Variants in CDH17 observed in about 807,000 individuals in gnomAD.
The protein encoded by CDH17 is cadherin 17.
A neutral mutation model predicts 86.3 loss-of-function variants in CDH17; 67 were observed. The observed-to-expected ratio is 0.78, with a 90% CI of 0.64 to 0.95. CDH17 has a LOEUF of 0.95. Among genes scored for constraint, CDH17 ranks in the 40% least tolerant of loss-of-function variants. The pLI, the probability that CDH17 is intolerant of heterozygous loss-of-function variation, is 0.00. For synonymous variants in CDH17, 367 were observed against 366.4 expected (o/e 1.00, Z -0.02); for missense variants, 993 against 1,017.6 (o/e 0.98, Z 0.33).
chr8:94,204,022 G>A (rs190780674), intron 1 of CDH17, among the ~76,000 whole-genome samples: 33 of 152,268 alleles, frequency 2.2e-4, no homozygotes, highest in African/African-American at 7.2e-4. Flanking sequence ...ATGGGCTCAC[G>A]GGAGGCTAAA....
At chr8:94,189,164 C>G (rs1478055434) in intron 3 of CDH17, 23 bp downstream of exon 3, 1 of 1,514,986 alleles carries the variant, frequency 6.6e-7, no homozygotes, top group African/African-American at 1.4e-5. Context: ...ATCAAGAGGA[C>G]AGTGATCAAG....
chr8:94,199,058 TATATATATATATATATATATATA>T (rs1813844331), intron 1 of CDH17, among the ~76,000 whole-genome samples: 2 of 23,824 alleles, frequency 8.4e-5, no homozygotes, highest in African/African-American at 3.7e-4. Flanking sequence ...TATATATATA[TATATATATATATATATATATATA>T]TATTTTTTTT....
At chr8:94,214,354 G>C (rs1269897142) in intron 1 of CDH17, among the ~76,000 whole-genome samples, 1 of 152,198 alleles carries the variant, frequency 6.6e-6, no homozygotes, top group African/African-American at 2.4e-5. Flanking sequence ...TCTCTCATTA[G>C]ACACCAAAAC....
At chr8:94,135,179 T>C (rs746587529) in intron 15 of CDH17, among the ~76,000 whole-genome samples, 19 of 152,318 alleles carry the variant, frequency 1.2e-4, no homozygotes, top group Admixed American at 2.0e-4. Context: ...TTAGGTCTGA[T>C]TGGTGCAGAG....
At chr8:94,189,393 T>C (rs1042930241) in intron 2 of CDH17, 108 bp from the exon 3 acceptor site, 5 of 753,402 alleles carry the variant, frequency 6.6e-6, no homozygotes, top group African/African-American at 5.3e-5. Context: ...GATTCTATCA[T>C]GGCTGAAATC....
intron 7 of CDH17, among the ~76,000 whole-genome samples, chr8:94,172,884 G>A (rs999400182): frequency 2.6e-5 from 4 of 152,154 alleles, no homozygotes; most frequent in Non-Finnish European, 5.9e-5. Context: ...CCAGGGGTGA[G>A]GGAGTTTCCA....
In CDH17 at chr8:94,148,854, G is replaced by A; in HGVS notation, c.1817C>T (p.Thr606Ile). The change falls in exon 14 of 18, where the codon ACA becomes ATA. Residue 606 changes from threonine to isoleucine, a missense_variant. Coordinates refer to ENST00000027335, the MANE Select transcript of CDH17 (RefSeq NM_004063.4). ...GTGGTCAATTTTAAGCCAACCTCTT[G>A]TGTCTCCCCTCAGTGAATAGCTTCA... is the stretch of plus-strand genomic sequence containing the variant. Reference protein sequence around the residue: ...LDISYSLRGDTRGWLKIDHVT... With the variant: ...LDISYSLRGDIRGWLKIDHVT... The A allele has an allele frequency of 6.2e-7, 1 of 1,608,932 alleles. No individual in the cohort carries two copies. Among genetic ancestry groups the A allele is most frequent in the Non-Finnish European group, 8.5e-7 (1 of 1,178,376 alleles).
At chr8:94,134,513 A>G (rs928949639) in intron 15 of CDH17, among the ~76,000 whole-genome samples, 9 of 151,988 alleles carry the variant, frequency 5.9e-5, no homozygotes, top group Non-Finnish European at 1.2e-4. Flanking sequence ...TCCCTTTATC[A>G]TTTTTTTATT....
intron 12 of CDH17, 54 bp from the exon 13 acceptor site, chr8:94,152,166 G>T: frequency 6.3e-7 from 1 of 1,587,516 alleles, no homozygotes; most frequent in South Asian, 1.1e-5. Flanking sequence ...TCCCTTAAAA[G>T]ATTCATTCCC....
intron 1 of CDH17, among the ~76,000 whole-genome samples, chr8:94,205,400 A>G (rs1286842188): frequency 6.6e-6 from 1 of 152,226 alleles, no homozygotes; most frequent in Non-Finnish European, 1.5e-5. Context: ...TAGGAAGTAA[A>G]TCTAAATTAG....
rs1345648370 is a variant in CDH17, at chr8:94,162,117, T to C, written c.1328A>G (p.Asn443Ser). The C allele has an allele frequency of 1.2e-6, 2 of 1,607,042 alleles. No individual in the cohort carries two copies. Among genetic ancestry groups the C allele is most frequent in the East Asian group, 4.5e-5 (2 of 44,804 alleles). ...CFVQINVIDINDQIPIFEKSD... is the reference protein window; with the variant it reads ...CFVQINVIDISDQIPIFEKSD... ...TTTTTCAAAGATGGGGATCTGATCATTGATATCAATAACGTTGATTTGCAC... is the reference window on the plus strand; with the variant it reads ...TTTTTCAAAGATGGGGATCTGATCACTGATATCAATAACGTTGATTTGCAC... The change falls in exon 11 of 18, where the codon AAT (asparagine) becomes AGT (serine). Residue 443 changes from asparagine (N) to serine (S), a missense_variant. By Grantham distance (46) the Asn-to-Ser change is conservative (BLOSUM62 1). Transcript: ENST00000027335.
At chr8:94,206,120 T>TA in intron 1 of CDH17, among the ~76,000 whole-genome samples, 1 of 151,806 alleles carries the variant, frequency 6.6e-6, no homozygotes, top group South Asian at 2.1e-4. Context: ...TTGTACCACA[T>TA]ACACAAAAAT....
At chr8:94,185,181 T>G (rs991689371) in intron 3 of CDH17, among the ~76,000 whole-genome samples, 2 of 152,078 alleles carry the variant, frequency 1.3e-5, no homozygotes, top group Non-Finnish European at 2.9e-5. Context: ...CTCCCCAGTG[T>G]GTTTTCTAGC....
intron 11 of CDH17, among the ~76,000 whole-genome samples, chr8:94,161,032 A>G (rs1220113515): frequency 2.6e-5 from 4 of 152,204 alleles, no homozygotes; most frequent in South Asian, 2.1e-4. Context: ...GAAGGTTATA[A>G]GTAGGTCTCA....
chr8:94,210,586 T>C (rs1219156458), upstream of CDH17, among the ~76,000 whole-genome samples: 1 of 152,238 alleles, frequency 6.6e-6, no homozygotes, highest in Non-Finnish European at 1.5e-5. Context: ...TAGCCACCAC[T>C]GCATTTTAGG....
At chr8:94,159,463 G>A (rs535369284) in intron 12 of CDH17, among the ~76,000 whole-genome samples, 2 of 152,206 alleles carry the variant, frequency 1.3e-5, no homozygotes, top group African/African-American at 4.8e-5. Context: ...AGAATAAAGG[G>A]TTTACAGCCT....
intron 2 of CDH17, among the ~76,000 whole-genome samples, chr8:94,193,432 C>A (rs924375812): frequency 3.3e-5 from 5 of 152,142 alleles, no homozygotes; most frequent in African/African-American, 1.2e-4. Flanking sequence ...AGTCGCTGAT[C>A]CAAGAGCTTT....
At chr8:94,148,963 G>C (rs1812806592) in intron 13 of CDH17, 89 bp from the exon 14 acceptor site, 1 of 1,076,706 alleles carries the variant, frequency 9.3e-7, no homozygotes, top group African/African-American at 1.6e-5. Flanking sequence ...ATATGTTTGT[G>C]CATCCTTGAA....
At chr8:94,208,145 C>G (rs980149603) in intron 1 of CDH17, among the ~76,000 whole-genome samples, 2 of 152,160 alleles carry the variant, frequency 1.3e-5, no homozygotes, top group African/African-American at 4.8e-5. Context: ...AGACCAGGGA[C>G]TTTTATATAC....
Sources: allele counts gnomAD v4.1 joint callset (sites outside exome capture counted in the v4.1 genomes callset), GRCh38; gene constraint gnomAD v4.1.1; transcripts MANE v1.5; gene names NCBI Gene and HGNC (gene_info 2026-07-23, HGNC 2026-07-21).